SLC35F2: variants seen among roughly 807,000 people sequenced by gnomAD.
SLC35F2 encodes solute carrier family 35 member F2.
A neutral mutation model predicts 38.1 loss-of-function variants in SLC35F2; 25 were observed. That is an observed-to-expected ratio of 0.66 (90% CI 0.48 to 0.92). The LOEUF (loss-of-function observed/expected upper bound fraction) is 0.92. Among genes scored for constraint, SLC35F2 ranks in the 40% least tolerant of loss-of-function variants. The pLI, the probability that SLC35F2 is intolerant of heterozygous loss-of-function variation, is 0.00. For missense variants in SLC35F2, 409 were observed against 452.9 expected, an observed-to-expected ratio of 0.90 and a Z score of 0.88; for synonymous variants, 173 against 181.7, an observed-to-expected ratio of 0.95 and a Z score of 0.38.
intron 7 of SLC35F2, among the ~76,000 whole-genome samples, chr11:107,799,872 T>G (rs1290011800): frequency 7.4e-6 from 1 of 135,770 alleles, no homozygotes; most frequent in African/African-American, 2.7e-5. Flanking sequence ...TTTGGCTTTT[T>G]TTTTGTTTTT....
intron 1 of SLC35F2, among the ~76,000 whole-genome samples, chr11:107,838,540 G>T (rs899911933): frequency 1.3e-5 from 2 of 151,560 alleles, no homozygotes; most frequent in Admixed American, 6.6e-5. Context: ...GGCCAGGCTG[G>T]TCTTGAACTC....
At chr11:107,811,856 T>C (rs1188985405) in intron 2 of SLC35F2, 62 bp from the exon 3 acceptor site, 30 of 1,456,556 alleles carry the variant, frequency 2.1e-5, no homozygotes, top group Non-Finnish European at 2.5e-5. Context: ...CATGTTGATT[T>C]GAAGATAAAA....
intron 1 of SLC35F2, among the ~76,000 whole-genome samples, chr11:107,833,054 T>A (rs1859873135): frequency 6.6e-6 from 1 of 152,242 alleles, no homozygotes; most frequent in Admixed American, 6.5e-5. Context: ...TCCATCATCA[T>A]CAAGTATTAT....
At chr11:107,834,222 T>C (rs1375807854) in intron 1 of SLC35F2, among the ~76,000 whole-genome samples, 3 of 152,204 alleles carry the variant, frequency 2.0e-5, no homozygotes, top group Admixed American at 6.5e-5. Flanking sequence ...CTAGAGAGTC[T>C]TATTTACAGG....
chr11:107,794,800 A>G (rs1267107421), intron 7 of SLC35F2, among the ~76,000 whole-genome samples: 1 of 152,234 alleles, frequency 6.6e-6, no homozygotes, highest in Non-Finnish European at 1.5e-5. Context: ...TATATCCAGA[A>G]AAACCTAAAG....
Position 107,811,798 on chromosome 11 carries a change from G to A in SLC35F2, c.287-4C>T, listed in dbSNP as rs1284810692. On this transcript the variant is annotated splice_region_variant and splice_polypyrimidine_tract_variant and intron_variant, in intron 2 of 7. Coordinates refer to ENST00000525815, the MANE Select transcript of SLC35F2 (RefSeq NM_017515.5). ...ATTACTAAAAGGTTATCACTGCCTGGTTGAAAGAAATATGGGTTAGTACAT... is the reference window on the plus strand; with the variant it reads ...ATTACTAAAAGGTTATCACTGCCTGATTGAAAGAAATATGGGTTAGTACAT... 6.2e-7 allele frequency: 1 copy of A among 1,613,146 alleles called. No homozygotes were observed. The highest frequency in any genetic ancestry group is 1.1e-5 in the South Asian group (1 of 90,988).
intron 1 of SLC35F2, among the ~76,000 whole-genome samples, chr11:107,853,635 G>A (rs1174980200): frequency 6.6e-6 from 1 of 150,832 alleles, no homozygotes; most frequent in Admixed American, 6.7e-5. Context: ...CAGGAGAATG[G>A]CGTGAACCCG....
intron 3 of SLC35F2, among the ~76,000 whole-genome samples, chr11:107,807,338 T>C (rs554338300): frequency 6.7e-6 from 1 of 149,126 alleles, no homozygotes; most frequent in Non-Finnish European, 1.5e-5. Flanking sequence ...TAGTCCCAGC[T>C]ACTTGGGAGG....
At chr11:107,813,243 G>A (rs917515361) in intron 2 of SLC35F2, among the ~76,000 whole-genome samples, 7 of 152,024 alleles carry the variant, frequency 4.6e-5, no homozygotes, top group East Asian at 1.9e-4. Context: ...TCAGGAGTTC[G>A]AGACCAGCCT....
intron 4 of SLC35F2, 198 bp downstream of exon 4, chr11:107,806,519 G>A (rs1859392644): frequency 1.8e-6 from 1 of 561,406 alleles, no homozygotes; most frequent in East Asian, 3.3e-5. Flanking sequence ...TAACTCACTT[G>A]AAGATTGGAT....
At position 107,843,859 on chromosome 11, in the gene SLC35F2, AAAAAAAAAAATATAT is replaced by A. The variant is rs1342421262; in HGVS notation, c.110+14784_110+14798del. On this transcript the variant is annotated intron_variant, in intron 1 of 7. Transcript: ENST00000525815. The stretch of plus-strand genomic sequence containing the variant: ...GACTCTGTATCTTAAAAAAAAAAAA[AAAAAAAAAAATATAT>A]ATATATATATATATATATATATATA... 2.1e-4 allele frequency among the ~76,000 whole-genome samples: 8 copies of A among 38,794 alleles called. No individual in the cohort carries two copies. In the East Asian group the frequency reaches 4.4e-3, roughly 21 times the overall value. 25.5% of individuals were successfully genotyped at this position (38,794 alleles called of 152,430 possible).
intron 7 of SLC35F2, among the ~76,000 whole-genome samples, chr11:107,797,809 C>A (rs1404057191): frequency 2.0e-5 from 3 of 152,108 alleles, no homozygotes; most frequent in Non-Finnish European, 4.4e-5. Flanking sequence ...TAATGTCAAG[C>A]TAAGCAGACA....
In SLC35F2 at chr11:107,844,701, G is replaced by A. The variant is rs187589599; in HGVS notation, c.110+13957C>T. Among the ~76,000 whole-genome samples the A allele has an allele frequency of 5.8e-3, 870 of 150,300 alleles. 8 individuals are homozygous for A. Among genetic ancestry groups the A allele is most frequent in the African/African-American group, 0.02 (827 of 40,916 alleles). On this transcript the variant is annotated intron_variant, in intron 1 of 7. Coordinates refer to ENST00000525815, the MANE Select transcript of SLC35F2 (RefSeq NM_017515.5). ...ATTGTAAGAATTACACAGGCCGGGC[G>A]CGGTGGCTCACGCCTGTAATCCCAG...
intron 3 of SLC35F2, chr11:107,810,855 G>A (rs745404754): frequency 1.1e-5 from 11 of 981,188 alleles, no homozygotes; most frequent in Non-Finnish European, 1.3e-5. Flanking sequence ...CTAAAATTTG[G>A]AGTCAAGTAA....
chr11:107,813,958 C>G (rs1310632893), intron 2 of SLC35F2, among the ~76,000 whole-genome samples: 1 of 152,156 alleles, frequency 6.6e-6, no homozygotes, highest in African/African-American at 2.4e-5. Context: ...AGCCATCACA[C>G]CCAGCCCTAA....
intron 1 of SLC35F2, among the ~76,000 whole-genome samples, chr11:107,856,910 AGGG>A (rs1343599428): frequency 0.034 from 837 of 24,516 alleles, 32 homozygotes; most frequent in African/African-American, 0.056. Context: ...GAAGGAAGGG[AGGG>A]AGGGAGGGAG....
chr11:107,808,612 G>T (rs1250039533), intron 3 of SLC35F2, among the ~76,000 whole-genome samples: 1 of 152,068 alleles, frequency 6.6e-6, no homozygotes, highest in Non-Finnish European at 1.5e-5. Flanking sequence ...CAGCCCATTC[G>T]ATCCTGTCCA....
chr11:107,830,758 G>A (rs1230860757), intron 1 of SLC35F2, among the ~76,000 whole-genome samples: 1 of 151,950 alleles, frequency 6.6e-6, no homozygotes, highest in Non-Finnish European at 1.5e-5. Context: ...TATCAACCAA[G>A]TGTGGTAACA....
intron 1 of SLC35F2, among the ~76,000 whole-genome samples, chr11:107,854,268 C>T (rs1375201766): frequency 2.1e-5 from 2 of 96,402 alleles, no homozygotes; most frequent in Admixed American, 9.4e-5. Flanking sequence ...CCTGTCTCTA[C>T]GGAAAAAAAA....
Sources: allele counts gnomAD v4.1 joint callset (sites outside exome capture counted in the v4.1 genomes callset), GRCh38; gene constraint gnomAD v4.1.1; transcripts MANE v1.5; gene names NCBI Gene and HGNC (gene_info 2026-07-23, HGNC 2026-07-21).